The following NFE2L3 variants were observed in gnomAD, a reference collection of about 807,000 sequenced individuals.
NFE2L3 encodes the protein NFE2 like bZIP transcription factor 3.
Under a neutral mutation model 23.5 loss-of-function variants are expected in NFE2L3, and 18 were observed. That is an observed-to-expected ratio of 0.77 (90% CI 0.53 to 1.13). The LOEUF (loss-of-function observed/expected upper bound fraction) is 1.13. Among genes scored for constraint, NFE2L3 ranks in the 50% most tolerant of loss-of-function variants. The pLI is 0.00. For synonymous variants in NFE2L3, 424 were observed against 354.5 expected, an observed-to-expected ratio of 1.20 and a Z score of -2.20; for missense variants, 1,152 against 877.2, an observed-to-expected ratio of 1.31 and a Z score of -3.96.
intron 1 of NFE2L3, among the ~76,000 whole-genome samples, chr7:26,169,589 T>G (rs1386407010): frequency 6.6e-6 from 1 of 152,226 alleles, no homozygotes. Flanking sequence ...CATCTCCCCA[T>G]GCATCCCACT....
Position 26,152,669 on chromosome 7 carries a change from C to T in NFE2L3, c.171C>T (p.Tyr57=). 2 of 1,489,076 alleles carry T rather than the reference C, an allele frequency of 1.3e-6. No individual in the cohort carries two copies. The highest frequency in any genetic ancestry group is 1.8e-6 in the Non-Finnish European group (2 of 1,126,746). 92.2% of individuals were successfully genotyped at this position (1,489,076 alleles called of 1,614,324 possible). A position where few individuals can be genotyped will look rare whatever the true frequency, so the allele number is the denominator to read the frequency against. ...LFLGGPASSA[Y]ALSPFSASGG... ...TGGGCGGCCCGGCCAGCTCCGCCTA[C>T]GCGCTCAGCCCCTTCTCGGCCTCGG... Residue 57 remains tyrosine (Y), a synonymous_variant, in exon 1 of 4, where the codon TAC becomes TAT. Coordinates refer to ENST00000056233, the MANE Select transcript of NFE2L3 (RefSeq NM_004289.7). The surrounding 1 kb of genome is among the most constrained non-coding windows in gnomAD (Gnocchi z 4.4).
intron 1 of NFE2L3, among the ~76,000 whole-genome samples, chr7:26,154,867 A>G (rs908810858): frequency 2.6e-5 from 4 of 152,140 alleles, no homozygotes; most frequent in Admixed American, 2.0e-4. Flanking sequence ...CCTTGGAGGC[A>G]TTTTTTGAGC....
chr7:26,162,805 C>G (rs1005750754), intron 1 of NFE2L3, among the ~76,000 whole-genome samples: 1 of 151,872 alleles, frequency 6.6e-6, no homozygotes, highest in Admixed American at 6.6e-5. Context: ...CTTGACCTCC[C>G]AGGCTCAGGT....
chr7:26,185,581 A>C lies in NFE2L3; in HGVS notation c.1883A>C (p.Asn628Thr). ...CTTAAGAGAGAGCAAGCACAATGTA[A>C]CAAAGCTATTAACATAATGAAACAG... Reference protein sequence around the residue: ...ETLKREQAQCNKAINIMKQKL... With the variant: ...ETLKREQAQCTKAINIMKQKL... Residue 628 changes from asparagine (N) to threonine (T), a missense_variant, in exon 4 of 4, where the codon AAC (asparagine) becomes ACC (threonine). Transcript: ENST00000056233. 3 of 1,613,822 alleles carry C rather than the reference A, an allele frequency of 1.9e-6. No individual in the cohort carries two copies. The highest frequency in any genetic ancestry group is 2.5e-6 in the Non-Finnish European group (3 of 1,179,756).
In NFE2L3 at chr7:26,184,775, T is replaced by G; in HGVS notation, c.1077T>G (p.Thr359=). 2 of 1,613,968 alleles carry G rather than the reference T, an allele frequency of 1.2e-6. No homozygotes were observed. The highest frequency in any genetic ancestry group is 1.1e-5 in the South Asian group (1 of 91,078). The change falls in exon 4 of 4, where the codon ACT becomes ACG. Residue 359 remains threonine, a synonymous_variant. Coordinates refer to ENST00000056233, the MANE Select transcript of NFE2L3 (RefSeq NM_004289.7). ...ATCCTGAGCAAACCCTTCCTGGAACTAATTTGACAGGATTTCTTTCACCGG... is the reference window on the plus strand; with the variant it reads ...ATCCTGAGCAAACCCTTCCTGGAACGAATTTGACAGGATTTCTTTCACCGG... ...TTNPEQTLPG[T]NLTGFLSPVD...
intron 3 of NFE2L3, chr7:26,184,018 A>G: frequency 2.0e-6 from 1 of 510,904 alleles, no homozygotes; most frequent in Non-Finnish European, 3.5e-6. Flanking sequence ...ATTTCTCAAA[A>G]AACTAAAAGA....
intron 2 of NFE2L3, among the ~76,000 whole-genome samples, chr7:26,183,184 T>C (rs1782367106): frequency 6.6e-6 from 1 of 152,162 alleles, no homozygotes; most frequent in Non-Finnish European, 1.5e-5. Context: ...GGAAGTTGTT[T>C]ATGGTAGGAA....
rs568155375 is a variant in NFE2L3 at position 26,183,935 on chromosome 7, T to TATAGCATTCCTCTTTCCAAATAATCCC, written c.834+153_834+179dup. On this transcript the variant is annotated intron_variant, in intron 3 of 3. Coordinates refer to ENST00000056233, the MANE Select transcript of NFE2L3 (RefSeq NM_004289.7). Reference sequence around the variant, plus strand: ...TTCAGCTTAGAATTAACCAAATATGTATAGCATTCCTCTTTCCAAATAATC... The same window carrying TATAGCATTCCTCTTTCCAAATAATCCC: ...TTCAGCTTAGAATTAACCAAATATGTATAGCATTCCTCTTTCCAAATAATCCCATAGCATTCCTCTTTCCAAATAATC... 1.2e-3 allele frequency: 677 copies of TATAGCATTCCTCTTTCCAAATAATCCC among 587,564 alleles called. 5 individuals are homozygous for TATAGCATTCCTCTTTCCAAATAATCCC. Among genetic ancestry groups the TATAGCATTCCTCTTTCCAAATAATCCC allele is most frequent in the African/African-American group, 0.011 (604 of 53,060 alleles). 36.4% of individuals were successfully genotyped at this position (587,564 alleles called of 1,614,324 possible).
At position 26,152,726 on chromosome 7, in the gene NFE2L3, C is replaced by T; in HGVS notation, c.228C>T (p.Pro76=). 2 of 1,473,934 alleles carry T rather than the reference C, an allele frequency of 1.4e-6. No individual in the cohort carries two copies. Among genetic ancestry groups the T allele is most frequent in the Non-Finnish European group, 1.8e-6 (2 of 1,119,754 alleles). 91.3% of individuals were successfully genotyped at this position (1,473,934 alleles called of 1,614,324 possible). The part of the protein sequence containing the change: ...GGWGRAGHLH[P]KGRELDPAAP... Reference sequence around the variant, plus strand: ...GGGGGCGCGCGGGCCACTTGCACCCCAAGGGCCGGGAGCTGGACCCTGCCG... The same window carrying T: ...GGGGGCGCGCGGGCCACTTGCACCCTAAGGGCCGGGAGCTGGACCCTGCCG... The change falls in exon 1 of 4, where the codon CCC becomes CCT. Residue 76 remains proline, a synonymous_variant. Coordinates refer to ENST00000056233, the MANE Select transcript of NFE2L3 (RefSeq NM_004289.7). The surrounding 1 kb of genome is among the most constrained non-coding windows in gnomAD (Gnocchi z 4.4).
At position 26,185,218 on chromosome 7, in the gene NFE2L3, CAG is replaced by C. The variant is rs1562680889; in HGVS notation, c.1522_1523del (p.Glu508IlefsTer4). 6.2e-7 allele frequency: 1 copy of C among 1,613,902 alleles called. No individual in the cohort carries two copies. Among genetic ancestry groups the C allele is most frequent in the Non-Finnish European group, 8.5e-7 (1 of 1,179,894 alleles). On this transcript the variant is annotated frameshift_variant, in exon 4 of 4. Coordinates refer to ENST00000056233, the MANE Select transcript of NFE2L3 (RefSeq NM_004289.7). LOFTEE classifies it low-confidence loss of function (END_TRUNC). ...ACTTACCACTTACAGCCAACTGCACCAGAATCTACTTCTGAACCTTTTCCGTG... is the reference window on the plus strand; with the variant it reads ...ACTTACCACTTACAGCCAACTGCACCAATCTACTTCTGAACCTTTTCCGTG...
chr7:26,186,289 A>C lies in NFE2L3; in HGVS notation c.*506A>C, dbSNP rs936124657. ...TGGAAATAAATTTTGTATTTGTATTAAAAATTAACTTTTCCCTTTTATACA... is the reference window on the plus strand; with the variant it reads ...TGGAAATAAATTTTGTATTTGTATTCAAAATTAACTTTTCCCTTTTATACA... On this transcript the variant is annotated 3_prime_UTR_variant, in exon 4 of 4. Transcript: ENST00000056233. 6.6e-6 allele frequency: 1 copy of C among 152,274 alleles called. No individual in the cohort carries two copies. Among genetic ancestry groups the C allele is most frequent in the Admixed American group, 6.5e-5 (1 of 15,272 alleles). 9.4% of individuals were successfully genotyped at this position (152,274 alleles called of 1,614,324 possible). A position where few individuals can be genotyped will look rare whatever the true frequency, so the allele number is the denominator to read the frequency against.
chr7:26,152,844 G>C lies in NFE2L3; in HGVS notation c.346G>C (p.Val116Leu), dbSNP rs765286795. The C allele has an allele frequency of 6.8e-7, 1 of 1,474,794 alleles. No homozygotes were observed. The highest frequency in any genetic ancestry group is 2.4e-5 in the Admixed American group (1 of 41,642). 91.4% of individuals were successfully genotyped at this position (1,474,794 alleles called of 1,614,324 possible). ...CGTGGATGCATGGCTGGTGCACAGC[G>C]TGGCTGCCGGGAGCGCGGACGAGGC... ...TSVDAWLVHS[V>L]AAGSADEAHG... The change falls in exon 1 of 4, where the codon GTG becomes CTG. Residue 116 changes from valine to leucine, a missense_variant. By Grantham distance (32) the Val-to-Leu change is conservative. Coordinates refer to ENST00000056233, the MANE Select transcript of NFE2L3 (RefSeq NM_004289.7). The surrounding 1 kb of genome is among the most constrained non-coding windows in gnomAD (Gnocchi z 4.4).
chr7:26,165,155 C>T (rs537949998), intron 1 of NFE2L3, among the ~76,000 whole-genome samples: 1 of 152,110 alleles, frequency 6.6e-6, no homozygotes, highest in Non-Finnish European at 1.5e-5. Flanking sequence ...TCCATATGAA[C>T]TTTAAAGTAG....
intron 1 of NFE2L3, among the ~76,000 whole-genome samples, chr7:26,159,690 G>A (rs1784139469): frequency 6.6e-6 from 1 of 152,194 alleles, no homozygotes; most frequent in Non-Finnish European, 1.5e-5. Flanking sequence ...ACTATTTAAT[G>A]CCAACTGTCT....
chr7:26,184,259 C>T, intron 3 of NFE2L3: 1 of 404,220 alleles, frequency 2.5e-6, no homozygotes, highest in Non-Finnish European at 4.4e-6. Flanking sequence ...TAGCAAATTA[C>T]AAGATTGTAA....
intron 1 of NFE2L3, among the ~76,000 whole-genome samples, chr7:26,159,718 G>A (rs1784139764): frequency 6.6e-6 from 1 of 152,146 alleles, no homozygotes; most frequent in Non-Finnish European, 1.5e-5. Flanking sequence ...TGAGGGCAGT[G>A]GAAAGCAGAC....
chr7:26,171,453 A>T (rs548345050), intron 1 of NFE2L3, among the ~76,000 whole-genome samples: 1 of 152,042 alleles, frequency 6.6e-6, no homozygotes, highest in Non-Finnish European at 1.5e-5. Flanking sequence ...CTGAGGCAGG[A>T]GAATCGCTGG....
chr7:26,169,990 G>C (rs1305342270), intron 1 of NFE2L3, among the ~76,000 whole-genome samples: 1 of 152,172 alleles, frequency 6.6e-6, no homozygotes. Context: ...CTTCTTAAGA[G>C]CTATGCAGTC....
chr7:26,184,686 G>T lies in NFE2L3; in HGVS notation c.988G>T (p.Asp330Tyr), dbSNP rs1309789117. 5 of 1,613,884 alleles carry T rather than the reference G, an allele frequency of 3.1e-6. No homozygotes were observed. Among genetic ancestry groups the T allele is most frequent in the East Asian group, 2.2e-5 (1 of 44,868 alleles). The change falls in exon 4 of 4, where the codon GAT (aspartate) becomes TAT (tyrosine). Residue 330 changes from aspartate to tyrosine, a missense_variant. Asp to Tyr is a radical substitution (Grantham distance 160, BLOSUM62 -3). Transcript: ENST00000056233. ...LLCPNNTFRRDPTARTSQSQE... is the reference protein window; with the variant it reads ...LLCPNNTFRRYPTARTSQSQE... Reference sequence around the variant, plus strand: ...TTGTCCCAACAATACATTTAGAAGAGATCCAACAGCAAGGACTTCACAGTC... The same window carrying T: ...TTGTCCCAACAATACATTTAGAAGATATCCAACAGCAAGGACTTCACAGTC...
Sources: gnomAD v4.1 joint callset for allele counts (sites outside exome capture counted in the v4.1 genomes callset) on GRCh38, gnomAD v4.1.1 for gene constraint, Gnocchi (gnomAD v3.1) non-coding constraint, MANE v1.5 for transcripts, NCBI Gene and HGNC (gene_info 2026-07-23, HGNC 2026-07-21) for gene names.